The following RFESD variants were observed in gnomAD, a reference collection of about 807,000 sequenced individuals.
RFESD encodes the protein Rieske domain-containing protein.
A neutral mutation model predicts 24.4 loss-of-function variants in RFESD; 16 were observed. The ratio of observed to expected loss-of-function variants is 0.66; its 90% CI spans 0.44 to 1.00. The LOEUF is 1.00. Among genes scored for constraint, RFESD ranks in the 50% least tolerant of loss-of-function variants. The pLI, the probability that RFESD is intolerant of heterozygous loss-of-function variation, is 0.00. For missense variants in RFESD, 208 were observed against 247.0 expected, an observed-to-expected ratio of 0.84 and a Z score of 1.06; for synonymous variants, 59 against 81.8, an observed-to-expected ratio of 0.72 and a Z score of 1.50.
rs1750871367 is a variant in RFESD, at chr5:95,657,986, G to A, written c.*1677G>A. On this transcript the variant is annotated 3_prime_UTR_variant, in exon 6 of 6. Coordinates refer to ENST00000380005, the MANE Select transcript of RFESD (RefSeq NM_001131066.2). ...TAATTACAGAAATATTTTCTCATAG[G>A]AGCCACTGGCAATAATGAGTAGTGT... The A allele has an allele frequency of 6.6e-6, 1 of 152,062 alleles. No individual in the cohort carries two copies. The highest frequency in any genetic ancestry group is 6.5e-5 in the Admixed American group (1 of 15,270). The allele number at this position is 152,062 out of a possible 1,614,324, so 9.4% of individuals were successfully genotyped here.
At chr5:95,648,345 A>C (rs1293509010) in intron 1 of RFESD, among the ~76,000 whole-genome samples, 1 of 152,248 alleles carries the variant, frequency 6.6e-6, no homozygotes, top group Non-Finnish European at 1.5e-5. Context: ...ACTAGCCGTC[A>C]AACTGTATGA....
At chr5:95,646,965 G>C (rs561792274) in intron 1 of RFESD, 148 bp downstream of exon 1, 2 of 152,422 alleles carry the variant, frequency 1.3e-5, no homozygotes, top group African/African-American at 2.4e-5. Flanking sequence ...GTTAGTTAAC[G>C]GTTAACCCGC....
chr5:95,648,891 GCT>G (rs1491328980), intron 1 of RFESD, among the ~76,000 whole-genome samples: 1 of 107,176 alleles, frequency 9.3e-6, no homozygotes, highest in African/African-American at 3.6e-5. Flanking sequence ...TGATAGTAGT[GCT>G]TTTTTTTTTT....
At chr5:95,649,456 C>T (rs1017512862) in intron 1 of RFESD, among the ~76,000 whole-genome samples, 2 of 152,070 alleles carry the variant, frequency 1.3e-5, no homozygotes, top group Admixed American at 1.3e-4. Context: ...TATAACTATT[C>T]TTGTGTATGT....
chr5:95,654,325 C>A lies in RFESD; in HGVS notation c.335-8C>A. 1 of 1,609,434 alleles carries A rather than the reference C, an allele frequency of 6.2e-7. No homozygotes were observed. Among genetic ancestry groups the A allele is most frequent in the Non-Finnish European group, 8.5e-7 (1 of 1,177,072 alleles). On this transcript the variant is annotated splice_polypyrimidine_tract_variant and splice_region_variant and intron_variant, in intron 4 of 5. Coordinates refer to ENST00000380005, the MANE Select transcript of RFESD (RefSeq NM_001131066.2). The stretch of plus-strand genomic sequence containing the variant: ...AGTGACTGCAGGTAATATTCAATTC[C>A]TTTTCAGACTCAGGAGGACCTTTAC...
chr5:95,652,225 T>C lies in RFESD; in HGVS notation c.-47T>C. 2 of 1,532,214 alleles carry C rather than the reference T, an allele frequency of 1.3e-6. No homozygotes were observed. The highest frequency in any genetic ancestry group is 1.7e-4 in the Middle Eastern group (1 of 5,908). The allele number at this position is 1,532,214 out of a possible 1,614,324, so 94.9% of individuals were successfully genotyped here. A position where few individuals can be genotyped will look rare whatever the true frequency, so the allele number is the denominator to read the frequency against. On this transcript the variant is annotated 5_prime_UTR_variant, in exon 2 of 6. Transcript: ENST00000380005. Reference sequence around the variant, plus strand: ...ATTTGATTAGCAATAGATTGGACACTCTACTGATCTTGCCTCTCTACAACC... The same window carrying C: ...ATTTGATTAGCAATAGATTGGACACCCTACTGATCTTGCCTCTCTACAACC...
rs1252777964 is a variant in RFESD at position 95,656,161 on chromosome 5, A to G, written c.485A>G (p.Lys162Arg). 6.2e-7 allele frequency: 1 copy of G among 1,614,080 alleles called. No individual in the cohort carries two copies. The highest frequency in any genetic ancestry group is 1.3e-5 in the African/African-American group (1 of 75,056). ...INPKDPSAKP[K>R]WCSKGIKQRI... ...CCTAAAGATCCATCAGCAAAACCCA[A>G]GTGGTGCTCCAAAGGAATAAAGCAA... Residue 162 changes from lysine to arginine, a missense_variant, in exon 6 of 6, where the codon AAG becomes AGG. Transcript: ENST00000380005.
At chr5:95,651,626 T>A (rs1467452087) in intron 1 of RFESD, among the ~76,000 whole-genome samples, 1 of 152,194 alleles carries the variant, frequency 6.6e-6, no homozygotes, top group Non-Finnish European at 1.5e-5. Flanking sequence ...TCTTGAATTC[T>A]TGGCAATTGA....
rs1221525697 is a variant in RFESD at position 95,653,136 on chromosome 5, A to G, written c.80A>G (p.Lys27Arg). The change falls in exon 3 of 6, where the codon AAG becomes AGG. Residue 27 changes from lysine to arginine, a missense_variant. Transcript: ENST00000380005. ...TTTCAGTATGGAATTCTCTTCCCCAAGCTGTTGGCATGTCTAGTTCATTTG... is the reference window on the plus strand; with the variant it reads ...TTTCAGTATGGAATTCTCTTCCCCAGGCTGTTGGCATGTCTAGTTCATTTG... ...LPLQYGILFP[K>R]LLACLVHLHF... The G allele has an allele frequency of 5.2e-6, 8 of 1,551,530 alleles. No individual in the cohort carries two copies.
chr5:95,656,168 C>G lies in RFESD; in HGVS notation c.492C>G (p.Cys164Trp), dbSNP rs1451198085. 1.2e-6 allele frequency: 2 copies of G among 1,613,934 alleles called. No individual in the cohort carries two copies. The highest frequency in any genetic ancestry group is 2.7e-5 in the African/African-American group (2 of 74,926). The change falls in exon 6 of 6, where the codon TGC becomes TGG. Residue 164 changes from cysteine to tryptophan, a missense_variant. Coordinates refer to ENST00000380005, the MANE Select transcript of RFESD (RefSeq NM_001131066.2). ...PKDPSAKPKWCSKGIKQRIHT... is the reference protein window; with the variant it reads ...PKDPSAKPKWWSKGIKQRIHT... ...ATCCATCAGCAAAACCCAAGTGGTG[C>G]TCCAAAGGAATAAAGCAAAGGATTC...
At position 95,657,794 on chromosome 5, in the gene RFESD, T is replaced by G. The variant is rs941757418; in HGVS notation, c.*1485T>G. The G allele has an allele frequency of 1.3e-5, 2 of 152,132 alleles. No individual in the cohort carries two copies. The highest frequency in any genetic ancestry group is 2.9e-5 in the Non-Finnish European group (2 of 68,002). 9.4% of individuals were successfully genotyped at this position (152,132 alleles called of 1,614,324 possible). On this transcript the variant is annotated 3_prime_UTR_variant, in exon 6 of 6. Coordinates refer to ENST00000380005, the MANE Select transcript of RFESD (RefSeq NM_001131066.2). ...ACTGTTTGTGGTAGCAGCTACTTACTAAGTACAGAAAATGTACTATCTCTC... is the reference window on the plus strand; with the variant it reads ...ACTGTTTGTGGTAGCAGCTACTTACGAAGTACAGAAAATGTACTATCTCTC...
chr5:95,656,186 A>G lies in RFESD; in HGVS notation c.510A>G (p.Gln170=), dbSNP rs751834509. The G allele has an allele frequency of 1.2e-6, 2 of 1,614,098 alleles. No individual in the cohort carries two copies. The stretch of plus-strand genomic sequence containing the variant: ...AGTGGTGCTCCAAAGGAATAAAGCA[A>G]AGGATTCACACAGTGACAGTAGACA... The part of the protein sequence containing the change: ...KPKWCSKGIK[Q]RIHTVTVDNG... Residue 170 remains glutamine, a synonymous_variant, in exon 6 of 6, where the codon CAA becomes CAG. Coordinates refer to ENST00000380005, the MANE Select transcript of RFESD (RefSeq NM_001131066.2).
intron 5 of RFESD, among the ~76,000 whole-genome samples, chr5:95,654,786 C>T (rs528765139): frequency 2.6e-5 from 4 of 152,060 alleles, no homozygotes; most frequent in South Asian, 2.1e-4. Flanking sequence ...GAAAAAAGCA[C>T]GTCATAGGAT....
At chr5:95,648,611 T>C (rs917757359) in intron 1 of RFESD, among the ~76,000 whole-genome samples, 3 of 152,150 alleles carry the variant, frequency 2.0e-5, no homozygotes, top group Non-Finnish European at 2.9e-5. Flanking sequence ...ATTTGACATA[T>C]AAAATTATAC....
Position 95,656,415 on chromosome 5 carries a change from T to C in RFESD, c.*106T>C, listed in dbSNP as rs904857221. On this transcript the variant is annotated 3_prime_UTR_variant, in exon 6 of 6. Coordinates refer to ENST00000380005, the MANE Select transcript of RFESD (RefSeq NM_001131066.2). ...TGAAATTTTTCAACATAGGCACAAC[T>C]GTTTAAAATTCACATACATTTGAGA... is the stretch of plus-strand genomic sequence containing the variant. 1.2e-6 allele frequency: 1 copy of C among 818,966 alleles called. No homozygotes were observed. The highest frequency in any genetic ancestry group is 1.9e-6 in the Non-Finnish European group (1 of 526,584). 50.7% of individuals were successfully genotyped at this position (818,966 alleles called of 1,614,324 possible).
In RFESD at chr5:95,654,189, TTTTCTACC is replaced by T. The variant is rs1350559842; in HGVS notation, c.288_295del (p.Phe97GlnfsTer27). 1.2e-6 allele frequency: 2 copies of T among 1,613,066 alleles called. No individual in the cohort carries two copies. The highest frequency in any genetic ancestry group is 2.7e-5 in the African/African-American group (2 of 74,904). ...GTTGTCCATGATAGAGAAGTGGTCA[TTTTCTACC>T]ACAAGGGAGAATATCATGCTATGGA... is the stretch of plus-strand genomic sequence containing the variant. On this transcript the variant is annotated frameshift_variant, in exon 4 of 6. Transcript: ENST00000380005. LOFTEE classifies it high-confidence loss of function.
At position 95,650,597 on chromosome 5, in the gene RFESD, T is replaced by A. The variant is rs541964905; in HGVS notation, c.-135-1540T>A. ...AACTTACTTTTTAAATGAACCATGCTCTTTTTCTGCTAACATTTTAAAACT... is the reference window on the plus strand; with the variant it reads ...AACTTACTTTTTAAATGAACCATGCACTTTTTCTGCTAACATTTTAAAACT... On this transcript the variant is annotated intron_variant, in intron 1 of 5. Transcript: ENST00000380005. Among the ~76,000 whole-genome samples the A allele has an allele frequency of 2.0e-5, 3 of 152,362 alleles. No homozygotes were observed. In the East Asian group the frequency reaches 5.8e-4, roughly 29 times the overall value.
chr5:95,650,557 A>G (rs1174785913), intron 1 of RFESD, among the ~76,000 whole-genome samples: 1 of 152,182 alleles, frequency 6.6e-6, no homozygotes, highest in East Asian at 1.9e-4. Flanking sequence ...TACTCTTAAT[A>G]ATTTTTGTTT....
intron 1 of RFESD, among the ~76,000 whole-genome samples, chr5:95,651,851 T>G (rs1750358170): frequency 1.3e-5 from 2 of 152,220 alleles, no homozygotes; most frequent in Admixed American, 6.5e-5. Flanking sequence ...AGACAAACTT[T>G]AGAAATACAG....
Sources: allele counts gnomAD v4.1 joint callset (sites outside exome capture counted in the v4.1 genomes callset), GRCh38; gene constraint gnomAD v4.1.1; transcripts MANE v1.5; gene names NCBI Gene and HGNC (gene_info 2026-07-23, HGNC 2026-07-21).